The following KLF8 variants were observed in gnomAD, a reference collection of about 807,000 sequenced individuals.
KLF8 encodes KLF transcription factor 8, also known as Krueppel-like factor 8.
A neutral mutation model predicts 18.2 loss-of-function variants in KLF8; 10 were observed. The ratio of observed to expected loss-of-function variants is 0.55; its 90% CI spans 0.34 to 0.93. The LOEUF (loss-of-function observed/expected upper bound fraction) is 0.93, where lower values mean the gene tolerates loss of function less well. KLF8 is among the 40% of genes least tolerant of loss of function. KLF8 has a pLI of 0.02. For synonymous variants in KLF8, 109 were observed against 97.3 expected (o/e 1.12, Z -0.71); for missense variants, 264 against 277.9 (o/e 0.95, Z 0.36).
chrX:55,910,713 T>C, the KLF8 span, among the ~76,000 whole-genome samples: 1 of 112,462 alleles, frequency 8.9e-6, no homozygotes, highest in East Asian at 2.8e-4. Flanking sequence ...TGAAATTCTA[T>C]TGCATTAAAG....
the KLF8 span, among the ~76,000 whole-genome samples, chrX:56,157,350 T>C: frequency 1.3e-4 from 14 of 109,666 alleles, no homozygotes; most frequent in Non-Finnish European, 1.9e-4. Context: ...AAACCTTCAC[T>C]TTGTGTACAT....
At chrX:56,091,979 G>GTTTTTTTT in the KLF8 span, among the ~76,000 whole-genome samples, 4 of 81,075 alleles carry the variant, frequency 4.9e-5, no homozygotes, top group Non-Finnish European at 5.0e-5. Context: ...AACATCTATT[G>GTTTTTTTT]TTTTTTTTTT....
At chrX:56,242,544 A>T (rs1185504342) in intron 1 of KLF8, among the ~76,000 whole-genome samples, 1 of 111,992 alleles carries the variant, frequency 8.9e-6, no homozygotes, top group Non-Finnish European at 1.9e-5. Flanking sequence ...CATTTTTCAA[A>T]GGAGAAAACA....
At chrX:56,094,919 G>A in the KLF8 span, among the ~76,000 whole-genome samples, 2 of 111,272 alleles carry the variant, frequency 1.8e-5, no homozygotes, top group African/African-American at 6.5e-5. Context: ...TCATTAAAAT[G>A]ATCATGCTGC....
chrX:56,278,611 C>G (rs762118633), intron 5 of KLF8, among the ~76,000 whole-genome samples: 1 of 111,395 alleles, frequency 9.0e-6, no homozygotes, highest in Non-Finnish European at 1.9e-5. Context: ...GCTGTGCATC[C>G]TAGGGTTGGG....
At chrX:56,112,145 T>C in the KLF8 span, among the ~76,000 whole-genome samples, 1 of 112,018 alleles carries the variant, frequency 8.9e-6, no homozygotes, top group African/African-American at 3.3e-5. Context: ...TGGAATACTA[T>C]GCCGCCATAA....
In KLF8 at chrX:56,279,067, C is replaced by G. The variant is rs530544903; in HGVS notation, c.899-5246C>G. On this transcript the variant is annotated intron_variant, in intron 5 of 5. Coordinates refer to ENST00000468660, the MANE Select transcript of KLF8 (RefSeq NM_007250.5). Reference sequence around the variant, plus strand: ...GAGGGGTGGTGTTGGTGATTCAAGACTCTTTCCTATCCTCTTTCAGTGCTT... The same window carrying G: ...GAGGGGTGGTGTTGGTGATTCAAGAGTCTTTCCTATCCTCTTTCAGTGCTT... Among the ~76,000 whole-genome samples the G allele has an allele frequency of 2.7e-5, 3 of 112,010 alleles. No individual in the cohort carries two copies. The South Asian group carries it at 1.1e-3, about 42-fold the overall frequency.
At chrX:56,058,816 G>A in the KLF8 span, among the ~76,000 whole-genome samples, 7 of 111,473 alleles carry the variant, frequency 6.3e-5, no homozygotes, top group Non-Finnish European at 1.1e-4. Flanking sequence ...AAACATATGT[G>A]TCCGTGTGTC....
chrX:56,162,765 C>A, the KLF8 span, among the ~76,000 whole-genome samples: 1 of 111,227 alleles, frequency 9.0e-6, no homozygotes, highest in Non-Finnish European at 1.9e-5. Flanking sequence ...CCGTATGCTG[C>A]ATCCACTGTC....
chrX:56,273,740 C>T (rs1399823981), intron 5 of KLF8, among the ~76,000 whole-genome samples: 1 of 111,489 alleles, frequency 9.0e-6, no homozygotes, highest in Admixed American at 9.6e-5. Context: ...ACTTAGACAC[C>T]TTAGACAAAG....
At chrX:56,040,298 G>A in the KLF8 span, among the ~76,000 whole-genome samples, 29 of 111,536 alleles carry the variant, frequency 2.6e-4, no homozygotes, top group Admixed American at 4.8e-4. Context: ...TCCTTTTCTC[G>A]TGCCAGTTTT....
At chrX:56,242,891 G>C in intron 1 of KLF8, 3 of 390,901 alleles carry the variant, frequency 7.7e-6, no homozygotes, top group Non-Finnish European at 1.4e-5. Context: ...TTTTCTTTCT[G>C]CTGGAAAGAT....
At chrX:55,989,779 T>C in the KLF8 span, among the ~76,000 whole-genome samples, 1 of 112,043 alleles carries the variant, frequency 8.9e-6, no homozygotes, top group Non-Finnish European at 1.9e-5. Context: ...GAAGGAATGG[T>C]ACCAGCTCCT....
the KLF8 span, among the ~76,000 whole-genome samples, chrX:56,198,346 C>T: frequency 8.9e-6 from 1 of 111,992 alleles, no homozygotes; most frequent in Non-Finnish European, 1.9e-5. Flanking sequence ...ACCCCATCGT[C>T]TCAGCCCAAA....
chrX:56,138,046 CAAAAAAAAAAA>C, the KLF8 span, among the ~76,000 whole-genome samples: 1 of 56,647 alleles, frequency 1.8e-5, no homozygotes, highest in Non-Finnish European at 3.0e-5. Flanking sequence ...CACAGAAATA[CAAAAAAAAAAA>C]AAAAAAAAAC....
chrX:56,079,159 T>C, the KLF8 span, among the ~76,000 whole-genome samples: 5 of 111,164 alleles, frequency 4.5e-5, no homozygotes, highest in Non-Finnish European at 9.4e-5. Context: ...CTGCTCTGAT[T>C]TTAGTTATTT....
chrX:56,202,440 A>C, the KLF8 span, among the ~76,000 whole-genome samples: 1 of 109,925 alleles, frequency 9.1e-6, no homozygotes, highest in Non-Finnish European at 1.9e-5. Flanking sequence ...ATCCAATTAC[A>C]CTCTTTTAGT....
Position 56,290,397 on chromosome X carries a change from A to C in KLF8, c.*5903A>C, listed in dbSNP as rs2067310941. 8.9e-6 allele frequency among the ~76,000 whole-genome samples: 1 copy of C among 112,008 alleles called. No homozygotes were observed. The highest frequency in any genetic ancestry group is 3.2e-5 in the African/African-American group (1 of 30,833). ...AAGAGAAGATTAGGCTTCCTAGGTG[A>C]TAAACAGATAAATTTGAGTAAGAAG... On this transcript the variant is annotated 3_prime_UTR_variant, in exon 6 of 6. Transcript: ENST00000468660.
the KLF8 span, among the ~76,000 whole-genome samples, chrX:56,161,312 C>T: frequency 1.4e-4 from 16 of 111,042 alleles, no homozygotes; most frequent in Non-Finnish European, 3.0e-4. Context: ...TGAATGTTGG[C>T]CTGCCTTGCT....
Sources: allele counts gnomAD v4.1 joint callset (sites outside exome capture counted in the v4.1 genomes callset), GRCh38; gene constraint gnomAD v4.1.1; transcripts MANE v1.5; gene names NCBI Gene and HGNC (gene_info 2026-07-23, HGNC 2026-07-21).